The following FBXW11 variants were observed in gnomAD, a reference collection of about 807,000 sequenced individuals.
The protein encoded by FBXW11 is F-box and WD repeat domain containing 11, also known as F-box/WD repeat-containing protein 11.
Under a neutral mutation model 77.6 loss-of-function variants are expected in FBXW11, and 19 were observed. That is an observed-to-expected ratio of 0.24 (90% CI 0.17 to 0.36). The LOEUF is 0.36. Ranked by LOEUF, FBXW11 falls within the 10% of genes least tolerant of loss-of-function variation. The probability of loss-of-function intolerance (pLI) is 1.00; values close to 1 mark genes in which losing one functional copy is unlikely to be tolerated. For synonymous variants in FBXW11, 235 were observed against 249.4 expected, an observed-to-expected ratio of 0.94 and a Z score of 0.54; for missense variants, 334 against 704.2, an observed-to-expected ratio of 0.47 and a Z score of 5.95.
chr5:171,939,078 AC>A (rs1762616925), intron 2 of FBXW11, among the ~76,000 whole-genome samples: 1 of 151,902 alleles, frequency 6.6e-6, no homozygotes, highest in Admixed American at 6.6e-5. Context: ...TACTAAAAAT[AC>A]AAAAAAAAAT....
At chr5:171,952,447 A>ATATATATATATATATATATTTTT in intron 2 of FBXW11, among the ~76,000 whole-genome samples, 1 of 6,944 alleles carries the variant, frequency 1.4e-4, no homozygotes, top group Non-Finnish European at 3.2e-4. Flanking sequence ...ATATATATAT[A>ATATATATATATATATATATTTTT]TTTTTTTTTT....
chr5:171,934,660 G>C (rs1439816469), intron 2 of FBXW11, among the ~76,000 whole-genome samples: 1 of 145,952 alleles, frequency 6.9e-6, no homozygotes, highest in African/African-American at 2.5e-5. Flanking sequence ...CTGGGTGACA[G>C]AGTGTGACCC....
intron 1 of FBXW11, among the ~76,000 whole-genome samples, chr5:172,001,890 T>C (rs1766432880): frequency 6.6e-6 from 1 of 152,158 alleles, no homozygotes. Flanking sequence ...TGGGCTTAGG[T>C]CCATTCCTAT....
chr5:171,999,617 T>C (rs1766291066), intron 1 of FBXW11, among the ~76,000 whole-genome samples: 1 of 152,106 alleles, frequency 6.6e-6, no homozygotes, highest in African/African-American at 2.4e-5. Context: ...ATATATTTTA[T>C]TGTTAGTTAC....
At chr5:171,952,447 A>ATTTTTTT (rs1164383563) in intron 2 of FBXW11, among the ~76,000 whole-genome samples, 10 of 6,946 alleles carry the variant, frequency 1.4e-3, no homozygotes, top group Non-Finnish European at 2.9e-3. Context: ...ATATATATAT[A>ATTTTTTT]TTTTTTTTTT....
At position 172,002,724 on chromosome 5, in the gene FBXW11, G is replaced by C. The variant is rs540628271; in HGVS notation, c.45+3734C>G. On this transcript the variant is annotated intron_variant, in intron 1 of 13. Transcript: ENST00000517395. ...TTTTTTTTTTTTTTTTTTTGAGAGT[G>C]TCTTGCTCTGTTACCCAGGCTGGAG... 6.1e-4 allele frequency among the ~76,000 whole-genome samples: 58 copies of C among 95,784 alleles called. No individual in the cohort carries two copies. In the South Asian group the frequency reaches 0.019, roughly 31 times the overall value. The allele number at this position is 95,784 out of a possible 152,430, so 62.8% of individuals were successfully genotyped here.
chr5:171,883,682 G>A (rs951608197), intron 7 of FBXW11, among the ~76,000 whole-genome samples: 1 of 152,122 alleles, frequency 6.6e-6, no homozygotes, highest in African/African-American at 2.4e-5. Context: ...ATTCTTGCAG[G>A]AGGTGGTATC....
At position 171,962,628 on chromosome 5, in the gene FBXW11, ATC is replaced by A. The variant is rs549764272; in HGVS notation, c.46-4932_46-4931del. Among the ~76,000 whole-genome samples the A allele has an allele frequency of 3.8e-4, 58 of 152,306 alleles. 3 individuals are homozygous for A. In the South Asian group the frequency reaches 0.011, roughly 28 times the overall value. ...TAAGTCAGTAAAGACAAAAAGAATA[ATC>A]TCTTTTGGCATTTTTCAAAAGCAAA... On this transcript the variant is annotated intron_variant, in intron 1 of 13. Transcript: ENST00000517395.
At chr5:171,929,599 C>T (rs958167751) in intron 2 of FBXW11, among the ~76,000 whole-genome samples, 1 of 152,060 alleles carries the variant, frequency 6.6e-6, no homozygotes, top group Admixed American at 6.6e-5. Context: ...GGCCTGTAAT[C>T]CTAGCACTTT....
chr5:171,972,650 T>G (rs1764603060), intron 1 of FBXW11, among the ~76,000 whole-genome samples: 2 of 151,746 alleles, frequency 1.3e-5, no homozygotes, highest in South Asian at 2.1e-4. Context: ...CTTCAAGTGA[T>G]TCTCCTGCCT....
chr5:171,896,896 T>C (rs577268378), intron 6 of FBXW11, among the ~76,000 whole-genome samples: 2 of 152,322 alleles, frequency 1.3e-5, no homozygotes, highest in African/African-American at 2.4e-5. Context: ...ATTTGATCCA[T>C]GGATCACTGG....
chr5:171,870,873 A>G lies in FBXW11; in HGVS notation c.1341-15T>C, dbSNP rs778754927. Reference sequence around the variant, plus strand: ...TATCCCAGAGCCTTGAATGAAAAACAGACCTCTGTGAAACAAATTCCCACA... The same window carrying G: ...TATCCCAGAGCCTTGAATGAAAAACGGACCTCTGTGAAACAAATTCCCACA... On this transcript the variant is annotated splice_polypyrimidine_tract_variant and intron_variant, in intron 10 of 13. Coordinates refer to ENST00000517395, the MANE Select transcript of FBXW11 (RefSeq NM_001378974.1). 12 of 1,584,802 alleles carry G rather than the reference A, an allele frequency of 7.6e-6. No individual in the cohort carries two copies. The highest frequency in any genetic ancestry group is 1.0e-5 in the Non-Finnish European group (12 of 1,153,938).
intron 7 of FBXW11, among the ~76,000 whole-genome samples, chr5:171,882,899 T>A (rs913262863): frequency 1.3e-5 from 2 of 152,154 alleles, no homozygotes; most frequent in African/African-American, 4.8e-5. Context: ...AAGCAGTATA[T>A]ACTGCACCAT....
intron 1 of FBXW11, among the ~76,000 whole-genome samples, chr5:171,990,481 A>G (rs562058387): frequency 1.3e-5 from 2 of 152,312 alleles, no homozygotes; most frequent in Admixed American, 1.3e-4. Flanking sequence ...CCTAGTCAGT[A>G]TGCCCAAGAT....
chr5:172,006,602 C>A lies in FBXW11; in HGVS notation c.-100G>T. 7.3e-7 allele frequency: 1 copy of A among 1,364,332 alleles called. No individual in the cohort carries two copies. The highest frequency in any genetic ancestry group is 1.7e-5 in the South Asian group (1 of 57,848). The allele number at this position is 1,364,332 out of a possible 1,614,324, so 84.5% of individuals were successfully genotyped here. The stretch of plus-strand genomic sequence containing the variant: ...GCGGCAGAGGCGGAGGCGGCTATCG[C>A]ACCCACTCTAGCTGCCAGCCCGCCC... On this transcript the variant is annotated 5_prime_UTR_variant, in exon 1 of 14. Coordinates refer to ENST00000517395, the MANE Select transcript of FBXW11 (RefSeq NM_001378974.1).
At chr5:171,909,971 T>C (rs1322826752) in intron 4 of FBXW11, among the ~76,000 whole-genome samples, 1 of 151,848 alleles carries the variant, frequency 6.6e-6, no homozygotes, top group Non-Finnish European at 1.5e-5. Context: ...AAAGGCAAAG[T>C]GCAGACTCTA....
intron 4 of FBXW11, among the ~76,000 whole-genome samples, chr5:171,902,766 G>A (rs377386816): frequency 2.6e-5 from 4 of 152,154 alleles, no homozygotes; most frequent in Admixed American, 1.3e-4. Flanking sequence ...ACAACCACAG[G>A]TTTTGCCACT....
chr5:171,938,915 A>G (rs1362152206), intron 2 of FBXW11, among the ~76,000 whole-genome samples: 2 of 152,192 alleles, frequency 1.3e-5, no homozygotes, highest in Non-Finnish European at 2.9e-5. Flanking sequence ...AAGAATATAT[A>G]CTGTATACTA....
chr5:171,999,402 T>C (rs544422529), intron 1 of FBXW11, among the ~76,000 whole-genome samples: 1 of 103,164 alleles, frequency 9.7e-6, no homozygotes. Context: ...AAAAAAAAAA[T>C]ATATATATAT....
Sources: gnomAD v4.1 joint callset for allele counts (sites outside exome capture counted in the v4.1 genomes callset) on GRCh38, gnomAD v4.1.1 for gene constraint, MANE v1.5 for transcripts, NCBI Gene and HGNC (gene_info 2026-07-23, HGNC 2026-07-21) for gene names.